NPR3: variants seen among roughly 807,000 people sequenced by gnomAD.
NPR3 encodes natriuretic peptide receptor 3, also known as atrial natriuretic peptide receptor 3.
Under a neutral mutation model 54.5 loss-of-function variants are expected in NPR3, and 34 were observed. That is an observed-to-expected ratio of 0.62 (90% CI 0.47 to 0.83). NPR3 has a LOEUF of 0.83. Ranked by LOEUF, NPR3 falls within the 40% of genes least tolerant of loss-of-function variation. NPR3 has a pLI of 0.00. For synonymous variants in NPR3, 289 were observed against 297.1 expected (o/e 0.97, Z 0.28); for missense variants, 674 against 720.8 (o/e 0.94, Z 0.74).
intron 3 of NPR3, among the ~76,000 whole-genome samples, chr5:32,745,801 C>T (rs1244803063): frequency 6.6e-6 from 1 of 152,190 alleles, no homozygotes; most frequent in Non-Finnish European, 1.5e-5. Flanking sequence ...TCCTCAGTGA[C>T]CTGGTTTTCC....
At chr5:32,727,673 T>C (rs1403189732) in intron 2 of NPR3, among the ~76,000 whole-genome samples, 1 of 152,232 alleles carries the variant, frequency 6.6e-6, no homozygotes, top group East Asian at 1.9e-4. Flanking sequence ...TCTTTTCCTG[T>C]TGTATTTTGG....
intron 2 of NPR3, among the ~76,000 whole-genome samples, chr5:32,737,346 C>T (rs1739804153): frequency 6.6e-6 from 1 of 152,210 alleles, no homozygotes. Context: ...CAATGCTCAC[C>T]CTGCCAATCT....
chr5:32,734,796 A>G (rs1445101148), intron 2 of NPR3, among the ~76,000 whole-genome samples: 6 of 152,162 alleles, frequency 3.9e-5, no homozygotes, highest in Admixed American at 3.9e-4. Flanking sequence ...TTTTAATTTT[A>G]ATTACATTTA....
At chr5:32,782,605 G>T (rs796286918) in intron 5 of NPR3, among the ~76,000 whole-genome samples, 3 of 152,252 alleles carry the variant, frequency 2.0e-5, no homozygotes, top group African/African-American at 7.2e-5. Context: ...TGGCACGACC[G>T]CTCTTAATGC....
At chr5:32,695,357 T>G (rs1052049225) in intron 1 of NPR3, among the ~76,000 whole-genome samples, 4 of 152,186 alleles carry the variant, frequency 2.6e-5, no homozygotes, top group African/African-American at 9.6e-5. Context: ...CTCCGCCTGC[T>G]GGGTTCACGC....
At chr5:32,698,211 A>T (rs1740580294) in intron 1 of NPR3, among the ~76,000 whole-genome samples, 1 of 151,994 alleles carries the variant, frequency 6.6e-6, no homozygotes. Flanking sequence ...GTTTCAAGAG[A>T]TTTAAAAATT....
chr5:32,756,479 G>T (rs1740846758), intron 3 of NPR3, among the ~76,000 whole-genome samples: 1 of 152,162 alleles, frequency 6.6e-6, no homozygotes, highest in South Asian at 2.1e-4. Flanking sequence ...ATTTGTTTGA[G>T]TTCTTTGTAG....
At chr5:32,715,305 A>G (rs1277139215) in intron 1 of NPR3, among the ~76,000 whole-genome samples, 2 of 152,238 alleles carry the variant, frequency 1.3e-5, no homozygotes, top group African/African-American at 4.8e-5. Flanking sequence ...GAATTAAAGT[A>G]GAGAGAGTTC....
intron 2 of NPR3, among the ~76,000 whole-genome samples, chr5:32,733,875 G>T (rs1391730937): frequency 6.6e-6 from 1 of 152,130 alleles, no homozygotes; most frequent in Non-Finnish European, 1.5e-5. Context: ...AAACTCTGAT[G>T]AAATGAATGT....
chr5:32,735,013 T>A (rs2302954), intron 2 of NPR3, among the ~76,000 whole-genome samples: 24,281 of 152,186 alleles, frequency 0.16, 2,013 homozygotes, highest in South Asian at 0.28. Context: ...GTCTGTGCTC[T>A]GCCCTTCTCC....
chr5:32,710,856 C>A, upstream of NPR3: 1 of 1,115,676 alleles, frequency 9.0e-7, no homozygotes, highest in Non-Finnish European at 1.2e-6. Flanking sequence ...TCCCCCAGTC[C>A]TGGTTTTTTT....
chr5:32,786,000 G>A (rs997692421), intron 7 of NPR3, among the ~76,000 whole-genome samples: 1 of 152,206 alleles, frequency 6.6e-6, no homozygotes, highest in African/African-American at 2.4e-5. Context: ...GGCACCCAGG[G>A]AAGAAGGGGA....
At chr5:32,698,919 C>G (rs1281643830) in intron 1 of NPR3, among the ~76,000 whole-genome samples, 1 of 151,128 alleles carries the variant, frequency 6.6e-6, no homozygotes, top group Non-Finnish European at 1.5e-5. Context: ...CTTTTTAAAT[C>G]CATTCAGCCA....
intron 3 of NPR3, among the ~76,000 whole-genome samples, chr5:32,760,358 C>G (rs1292050865): frequency 1.3e-5 from 2 of 152,128 alleles, no homozygotes; most frequent in African/African-American, 4.8e-5. Context: ...CTCATTTACA[C>G]TTGGTGGTGT....
intron 3 of NPR3, among the ~76,000 whole-genome samples, chr5:32,740,003 C>T (rs144899217): frequency 7.9e-5 from 12 of 152,298 alleles, no homozygotes; most frequent in African/African-American, 2.9e-4. Context: ...AGTTCAGCCC[C>T]CTGAGTAGCT....
In NPR3 at chr5:32,712,083, T is replaced by G. The variant is rs1347859809; in HGVS notation, c.307T>G (p.Tyr103Asp). ...GCCGGGCACTCGCTTCCAGGTGGCT[T>G]ACGAGGATTCAGACTGTGGGAACCG... is the stretch of plus-strand genomic sequence containing the variant. The part of the protein sequence containing the change: ...LPPGTRFQVA[Y>D]EDSDCGNRAL... Residue 103 changes from tyrosine to aspartate, a missense_variant, in exon 1 of 8, where the codon TAC (tyrosine) becomes GAC (aspartate). Physicochemically the swap from Tyr to Asp is radical, Grantham distance 160. Coordinates refer to ENST00000265074, the MANE Select transcript of NPR3 (RefSeq NM_001204375.2). The G allele has an allele frequency of 3.7e-6, 6 of 1,613,820 alleles. No homozygotes were observed. The highest frequency in any genetic ancestry group is 5.1e-6 in the Non-Finnish European group (6 of 1,179,810).
intron 2 of NPR3, among the ~76,000 whole-genome samples, chr5:32,735,116 G>C (rs1045746150): frequency 6.6e-6 from 1 of 152,136 alleles, no homozygotes; most frequent in Non-Finnish European, 1.5e-5. Flanking sequence ...ACGGTCTCTA[G>C]TCCTCACTCC....
At chr5:32,734,828 T>C (rs1327922234) in intron 2 of NPR3, among the ~76,000 whole-genome samples, 1 of 152,218 alleles carries the variant, frequency 6.6e-6, no homozygotes, top group African/African-American at 2.4e-5. Flanking sequence ...ATGTGGCTAG[T>C]GGCTCCTCTG....
chr5:32,760,351 A>G (rs996794027), intron 3 of NPR3, among the ~76,000 whole-genome samples: 2 of 152,158 alleles, frequency 1.3e-5, no homozygotes, highest in African/African-American at 4.8e-5. Flanking sequence ...CTACAACCTC[A>G]TTTACACTTG....
Sources: gnomAD v4.1 joint callset for allele counts (sites outside exome capture counted in the v4.1 genomes callset) on GRCh38, gnomAD v4.1.1 for gene constraint, MANE v1.5 for transcripts, NCBI Gene and HGNC (gene_info 2026-07-23, HGNC 2026-07-21) for gene names.